Variants in HTR3A observed in about 807,000 individuals in gnomAD.
HTR3A encodes 5-hydroxytryptamine (serotonin) receptor 3A, ionotropic.
A neutral mutation model predicts 54.8 loss-of-function variants in HTR3A; 45 were observed. The ratio of observed to expected loss-of-function variants is 0.82; its 90% CI spans 0.65 to 1.05. HTR3A has a LOEUF of 1.05. HTR3A is among the 50% of genes least tolerant of loss of function. The pLI is 0.00. For missense variants in HTR3A, 657 were observed against 614.0 expected (o/e 1.07, Z -0.74); for synonymous variants, 297 against 256.0 (o/e 1.16, Z -1.53).
At position 113,989,425 on chromosome 11, in the gene HTR3A, G is replaced by A. The variant is rs191849656; in HGVS notation, c.1139-40G>A. On this transcript the variant is annotated intron_variant, in intron 8 of 8. Coordinates refer to ENST00000504030, the MANE Select transcript of HTR3A (RefSeq NM_000869.6). This position sits in a 1 kb window ranked among gnomAD's most constrained non-coding sequence, Gnocchi z 4.4. ...AGGAACCATGTTCAGGTCACCACCC[G>A]GGGTCTCCCTCTCTTGCCAATGCCC... 4.2e-5 allele frequency: 68 copies of A among 1,610,882 alleles called. No homozygotes were observed. The African/African-American group carries it at 4.3e-4, about 10-fold the overall frequency.
Position 113,989,818 on chromosome 11 carries a change from G to A in HTR3A, c.*55G>A. 5 of 1,581,650 alleles carry A rather than the reference G, an allele frequency of 3.2e-6. No homozygotes were observed. Among genetic ancestry groups the A allele is most frequent in the Non-Finnish European group, 3.4e-6 (4 of 1,162,734 alleles). On this transcript the variant is annotated 3_prime_UTR_variant, in exon 9 of 9. Transcript: ENST00000504030. This position sits in a 1 kb window ranked among gnomAD's most constrained non-coding sequence, Gnocchi z 4.4. ...CAGTCCTGGTTAGGTGGGGACAGAG[G>A]ATTTCTGCTTAGGCCCCTCAGGACC...
chr11:113,978,484 T>G (rs1488961762), intron 2 of HTR3A, among the ~76,000 whole-genome samples: 1 of 152,204 alleles, frequency 6.6e-6, no homozygotes, highest in Admixed American at 6.5e-5. Context: ...CAGTGGCTAC[T>G]AATTTTAGTC....
At chr11:113,980,615 T>C (rs1950410478) in intron 3 of HTR3A, among the ~76,000 whole-genome samples, 1 of 152,114 alleles carries the variant, frequency 6.6e-6, no homozygotes, top group African/African-American at 2.4e-5. Context: ...ACGGCTGCAG[T>C]GTAGAAGTCA....
chr11:113,986,278 A>G (rs1474082927), intron 6 of HTR3A, 103 bp downstream of exon 6: 6 of 1,425,010 alleles, frequency 4.2e-6, no homozygotes, highest in Non-Finnish European at 5.9e-6. Flanking sequence ...TTCCAACCCC[A>G]GGGTTGCACA....
At chr11:113,975,536 G>A (rs1259314615) in intron 1 of HTR3A, 144 bp downstream of exon 1, 4 of 702,992 alleles carry the variant, frequency 5.7e-6, no homozygotes, top group African/African-American at 5.2e-5. Flanking sequence ...CCACCTATGA[G>A]CATGACAGCA....
intron 8 of HTR3A, 115 bp downstream of exon 8, chr11:113,987,161 C>G: frequency 9.0e-7 from 1 of 1,108,846 alleles, no homozygotes; most frequent in Non-Finnish European, 1.3e-6. Context: ...CATGGCATCC[C>G]ATGCCCTGCC....
intron 4 of HTR3A, among the ~76,000 whole-genome samples, chr11:113,982,193 T>C (rs566097958): frequency 7.0e-4 from 107 of 152,156 alleles, no homozygotes; most frequent in Non-Finnish European, 2.1e-4. Flanking sequence ...TGCAGGTTCA[T>C]TCAGGGCCCA....
intron 3 of HTR3A, 146 bp downstream of exon 3, chr11:113,979,423 T>A (rs1950394866): frequency 1.0e-5 from 7 of 691,450 alleles, no homozygotes; most frequent in South Asian, 7.6e-5. Context: ...GTGTGGAATC[T>A]CCTCATCTCA....
chr11:113,976,568 AGTTTGTGT>A (rs1322865512), intron 1 of HTR3A, among the ~76,000 whole-genome samples: 1 of 73,402 alleles, frequency 1.4e-5, no homozygotes, highest in Non-Finnish European at 2.9e-5. Flanking sequence ...CTTAAAAAAT[AGTTTGTGT>A]GTGTGTGTGT....
At chr11:113,981,518 C>T (rs184833515) in intron 4 of HTR3A, among the ~76,000 whole-genome samples, 7 of 152,210 alleles carry the variant, frequency 4.6e-5, no homozygotes, top group African/African-American at 1.4e-4. Flanking sequence ...TCCTTCTTTT[C>T]GGTGCTTGAT....
chr11:113,989,475 C>T lies in HTR3A; in HGVS notation c.1149C>T (p.Asn383=), dbSNP rs771866989. 2 of 1,614,110 alleles carry T rather than the reference C, an allele frequency of 1.2e-6. No homozygotes were observed. Among genetic ancestry groups the T allele is most frequent in the Admixed American group, 3.3e-5 (2 of 60,030 alleles). The part of the protein sequence containing the change: ...TKTDDCSAMG[N]HCSHMGGPQD... ...CTGCCCTTCTTCCAGCCATGGGAAA[C>T]CACTGCAGCCACATGGGAGGACCCC... Residue 383 remains asparagine, a synonymous_variant, in exon 9 of 9, where the codon AAC becomes AAT. Transcript: ENST00000504030. This position sits in a 1 kb window ranked among gnomAD's most constrained non-coding sequence, Gnocchi z 4.4.
Position 113,987,051 on chromosome 11 carries a change from G to T in HTR3A, c.1138+5G>T. 2.5e-6 allele frequency: 4 copies of T among 1,612,922 alleles called. No homozygotes were observed. The highest frequency in any genetic ancestry group is 3.4e-6 in the Non-Finnish European group (4 of 1,179,944). Reference sequence around the variant, plus strand: ...CCAAGACTGATGACTGCTCAGGTGAGAAACAGAAGGGAAGAGTCCATACAG... The same window carrying T: ...CCAAGACTGATGACTGCTCAGGTGATAAACAGAAGGGAAGAGTCCATACAG... On this transcript the variant is annotated splice_donor_5th_base_variant and intron_variant, in intron 8 of 8. Coordinates refer to ENST00000504030, the MANE Select transcript of HTR3A (RefSeq NM_000869.6).
intron 5 of HTR3A, 135 bp from the exon 6 acceptor site, chr11:113,985,880 T>A (rs1391706958): frequency 1.1e-6 from 1 of 872,422 alleles, no homozygotes; most frequent in African/African-American, 1.6e-5. Context: ...AGGCTGAAGG[T>A]GATGTGCTGA....
chr11:113,978,808 T>A (rs1315055980), intron 2 of HTR3A, among the ~76,000 whole-genome samples: 1 of 151,978 alleles, frequency 6.6e-6, no homozygotes, highest in Non-Finnish European at 1.5e-5. Context: ...CTGGACAACA[T>A]AGCGACTGCA....
chr11:113,981,201 A>C lies in HTR3A; in HGVS notation c.265-2A>C. The C allele has an allele frequency of 2.5e-6, 4 of 1,589,386 alleles. No individual in the cohort carries two copies. Among genetic ancestry groups the C allele is most frequent in the Non-Finnish European group, 3.5e-6 (4 of 1,157,454 alleles). On this transcript the variant is annotated splice_acceptor_variant, in intron 3 of 8. Transcript: ENST00000504030. LOFTEE classifies it high-confidence loss of function. ...CTGTGACCATCCCTGCTCCTCCCCT[A>C]GTACTGGACTGATGAGTTTCTCCAG...
chr11:113,981,805 A>G (rs541080050), intron 4 of HTR3A, among the ~76,000 whole-genome samples: 1 of 152,108 alleles, frequency 6.6e-6, no homozygotes, highest in East Asian at 1.9e-4. Context: ...TAAAAATACA[A>G]AAATTAGCCA....
At chr11:113,980,063 C>T (rs531793560) in intron 3 of HTR3A, among the ~76,000 whole-genome samples, 9 of 152,328 alleles carry the variant, frequency 5.9e-5, no homozygotes, top group South Asian at 2.1e-4. Context: ...AGCTAGAATG[C>T]TGATCCCTGA....
rs758443296 is a variant in HTR3A at position 113,986,174 on chromosome 11, A to AT, written c.705dup (p.Val236CysfsTer58). 6.2e-6 allele frequency: 10 copies of AT among 1,614,058 alleles called. No individual in the cohort carries two copies. The African/African-American group carries it at 1.1e-4, about 17-fold the overall frequency. ...AACTACTATGCAGAAATGAAGTTCT[A>AT]TGTGAGTGGGAGTGAATGTGGGTAA... is the stretch of plus-strand genomic sequence containing the variant. On this transcript the variant is annotated frameshift_variant and splice_region_variant, in exon 6 of 9. Transcript: ENST00000504030. LOFTEE classifies it high-confidence loss of function.
chr11:113,980,798 T>A (rs1950412775), intron 3 of HTR3A, among the ~76,000 whole-genome samples: 1 of 152,210 alleles, frequency 6.6e-6, no homozygotes, highest in Non-Finnish European at 1.5e-5. Context: ...CATCCTGGCC[T>A]GAAAATGGAG....
Sources: allele counts gnomAD v4.1 joint callset (sites outside exome capture counted in the v4.1 genomes callset), GRCh38; gene constraint gnomAD v4.1.1; non-coding constraint Gnocchi (gnomAD v3.1); transcripts MANE v1.5; gene names NCBI Gene and HGNC (gene_info 2026-07-23, HGNC 2026-07-21).